Variants in PCBP3 observed in about 807,000 individuals in gnomAD.
PCBP3 encodes poly(rC) binding protein 3, also known as poly(rC)-binding protein 3.
In PCBP3, 25 loss-of-function variants were observed where a neutral mutation model predicts 52.7. The ratio of observed to expected loss-of-function variants is 0.47; its 90% CI spans 0.35 to 0.66. The LOEUF is 0.66. Ranked by LOEUF, PCBP3 falls within the 30% of genes least tolerant of loss-of-function variation. The probability of loss-of-function intolerance (pLI) is 0.01; values close to 1 mark genes in which losing one functional copy is unlikely to be tolerated. For synonymous variants in PCBP3, 162 were observed against 183.0 expected, an observed-to-expected ratio of 0.89 and a Z score of 0.93; for missense variants, 391 against 490.3, an observed-to-expected ratio of 0.80 and a Z score of 1.91.
chr21:45,935,383 G>T, intron 16 of PCBP3, 78 bp downstream of exon 16: 1 of 1,044,132 alleles, frequency 9.6e-7, no homozygotes, highest in South Asian at 1.3e-5. Context: ...GCTGTCCTTT[G>T]GGCAGAGGGA....
At chr21:45,664,605 A>T (rs76954751) in intron 1 of PCBP3, among the ~76,000 whole-genome samples, 3 of 144,738 alleles carry the variant, frequency 2.1e-5, no homozygotes, top group East Asian at 4.0e-4. Context: ...ATTTTTTTTA[A>T]TTTTTTTTTT....
chr21:45,838,716 A>G (rs2093640383), intron 4 of PCBP3, among the ~76,000 whole-genome samples: 1 of 152,196 alleles, frequency 6.6e-6, no homozygotes, highest in Non-Finnish European at 1.5e-5. Context: ...TATTATGATT[A>G]ATGACTAAAT....
chr21:45,658,975 C>G (rs1430997205), intron 1 of PCBP3, among the ~76,000 whole-genome samples: 3 of 148,276 alleles, frequency 2.0e-5, no homozygotes, highest in Admixed American at 1.3e-4. Context: ...CTTTATAGTC[C>G]TTTTATTTCT....
At chr21:45,714,970 G>C (rs1488229236) in intron 2 of PCBP3, among the ~76,000 whole-genome samples, 1 of 152,188 alleles carries the variant, frequency 6.6e-6, no homozygotes, top group Non-Finnish European at 1.5e-5. Flanking sequence ...CGGTTTAACT[G>C]TTCTCAGGAA....
intron 5 of PCBP3, among the ~76,000 whole-genome samples, chr21:45,861,120 C>T (rs1014250594): frequency 2.0e-5 from 3 of 152,212 alleles, no homozygotes; most frequent in African/African-American, 7.2e-5. Flanking sequence ...CCTTCACAAG[C>T]GCTGTGGCTT....
intron 5 of PCBP3, among the ~76,000 whole-genome samples, chr21:45,890,459 G>A (rs1603469053): frequency 6.6e-6 from 1 of 152,026 alleles, no homozygotes; most frequent in East Asian, 1.9e-4. Context: ...ATAGAACCTG[G>A]AACTCTGCAC....
At chr21:45,818,329 G>A (rs576943094) in intron 4 of PCBP3, among the ~76,000 whole-genome samples, 1 of 152,238 alleles carries the variant, frequency 6.6e-6, no homozygotes, top group South Asian at 2.1e-4. Context: ...CTGGTTCATT[G>A]TTATTCACGG....
At chr21:45,782,615 A>G (rs1294324046) in intron 4 of PCBP3, among the ~76,000 whole-genome samples, 2 of 152,358 alleles carry the variant, frequency 1.3e-5, no homozygotes, top group African/African-American at 4.8e-5. Flanking sequence ...TCAGAAAAAT[A>G]TTTGAAGACA....
intron 2 of PCBP3, among the ~76,000 whole-genome samples, chr21:45,690,840 T>G (rs2082419171): frequency 6.6e-6 from 1 of 152,056 alleles, no homozygotes; most frequent in African/African-American, 2.4e-5. Context: ...TCTAATAGAA[T>G]GGCTAAAATG....
At chr21:45,772,253 C>T (rs1194403907) in intron 4 of PCBP3, among the ~76,000 whole-genome samples, 1 of 152,122 alleles carries the variant, frequency 6.6e-6, no homozygotes, top group Non-Finnish European at 1.5e-5. Context: ...ATTTATCTTT[C>T]CATTGTGTAC....
intron 5 of PCBP3, chr21:45,869,090 T>C (rs992290464): frequency 6.6e-6 from 1 of 152,176 alleles, no homozygotes; most frequent in African/African-American, 2.4e-5. Flanking sequence ...GAGCTTGTCT[T>C]TCACCCAAGT....
chr21:45,740,299 C>T (rs1433780703), intron 3 of PCBP3, among the ~76,000 whole-genome samples: 3 of 152,186 alleles, frequency 2.0e-5, no homozygotes, highest in South Asian at 2.1e-4. Flanking sequence ...CATCTCTCTG[C>T]GTGCCCGCCT....
chr21:45,769,585 C>T (rs573852126), intron 4 of PCBP3, among the ~76,000 whole-genome samples: 116 of 152,380 alleles, frequency 7.6e-4, no homozygotes, highest in African/African-American at 2.6e-3. Context: ...GAGGAGAGAA[C>T]TGGTGTCTGG....
chr21:45,664,160 AAAAAT>A (rs2080616904), intron 1 of PCBP3, among the ~76,000 whole-genome samples: 1 of 145,046 alleles, frequency 6.9e-6, no homozygotes, highest in Non-Finnish European at 1.5e-5. Context: ...TGTTTGAACT[AAAAAT>A]AAAGATAAAA....
chr21:45,807,698 T>C (rs1371778029), intron 4 of PCBP3, among the ~76,000 whole-genome samples: 2 of 151,124 alleles, frequency 1.3e-5, no homozygotes, highest in African/African-American at 4.9e-5. Flanking sequence ...AAATTTCATA[T>C]GGAACCAAAA....
At chr21:45,755,673 T>A (rs78004083) in intron 4 of PCBP3, among the ~76,000 whole-genome samples, 1,768 of 152,310 alleles carry the variant, frequency 0.012, 51 homozygotes, top group African/African-American at 0.04. Flanking sequence ...CCTGGTGACA[T>A]GTGATACGGA....
intron 2 of PCBP3, among the ~76,000 whole-genome samples, chr21:45,676,962 G>A (rs767110548): frequency 6.6e-6 from 1 of 151,800 alleles, no homozygotes; most frequent in Non-Finnish European, 1.5e-5. Context: ...TAGTAGAGGC[G>A]GGGTTTCGCT....
At chr21:45,700,548 G>T (rs1461926804) in intron 2 of PCBP3, among the ~76,000 whole-genome samples, 1 of 152,156 alleles carries the variant, frequency 6.6e-6, no homozygotes, top group Admixed American at 6.5e-5. Context: ...CACAGGGACA[G>T]TTCCTTCTGC....
chr21:45,824,910 G>A (rs2093267058), intron 4 of PCBP3, among the ~76,000 whole-genome samples: 6 of 152,266 alleles, frequency 3.9e-5, no homozygotes, highest in African/African-American at 1.4e-4. Flanking sequence ...AAGTGGAACA[G>A]CCCAGGGAGC....
Sources: allele counts gnomAD v4.1 joint callset (sites outside exome capture counted in the v4.1 genomes callset), GRCh38; gene constraint gnomAD v4.1.1; transcripts MANE v1.5; gene names NCBI Gene and HGNC (gene_info 2026-07-23, HGNC 2026-07-21).